WWOX: variants seen among roughly 807,000 people sequenced by gnomAD.
WWOX encodes WW domain containing oxidoreductase.
Under a neutral mutation model 46.2 loss-of-function variants are expected in WWOX, and 69 were observed. That is an observed-to-expected ratio of 1.49 (90% CI 1.23 to 1.82). The LOEUF is 1.82. Ranked by LOEUF, WWOX falls within the 40% of genes most tolerant of loss-of-function variation. The pLI is 0.00. For missense variants in WWOX, 919 were observed against 542.6 expected, an observed-to-expected ratio of 1.69 and a Z score of -6.89; for synonymous variants, 359 against 202.6, an observed-to-expected ratio of 1.77 and a Z score of -6.56.
At chr16:78,690,020 C>G (rs2047949603) in intron 8 of WWOX, among the ~76,000 whole-genome samples, 1 of 151,994 alleles carries the variant, frequency 6.6e-6, no homozygotes, top group Admixed American at 6.6e-5. Context: ...GCCCCCATGC[C>G]CAGCCAATTT....
At chr16:78,865,835 C>T (rs1481080084) in intron 8 of WWOX, among the ~76,000 whole-genome samples, 2 of 152,162 alleles carry the variant, frequency 1.3e-5, no homozygotes, top group African/African-American at 2.4e-5. Context: ...AGCCAGATTG[C>T]ACCACCGCAC....
At chr16:78,922,935 C>T (rs991767834) in intron 8 of WWOX, among the ~76,000 whole-genome samples, 2 of 150,884 alleles carry the variant, frequency 1.3e-5, no homozygotes, top group African/African-American at 4.9e-5. Context: ...AATCTAACAT[C>T]TTTAGATAAA....
chr16:78,486,427 A>G (rs2084638466), intron 8 of WWOX, among the ~76,000 whole-genome samples: 1 of 152,216 alleles, frequency 6.6e-6, no homozygotes. Flanking sequence ...TCATACATTT[A>G]TCTACTTTAA....
intron 8 of WWOX, among the ~76,000 whole-genome samples, chr16:78,542,126 C>T (rs2043912854): frequency 1.3e-5 from 2 of 150,484 alleles, no homozygotes; most frequent in African/African-American, 2.4e-5. Context: ...GGAGAAACCT[C>T]CCAAATTTCT....
chr16:78,132,321 C>T (rs1046740042), intron 4 of WWOX, among the ~76,000 whole-genome samples: 4 of 152,096 alleles, frequency 2.6e-5, no homozygotes, highest in Non-Finnish European at 4.4e-5. Context: ...CCACCACGCC[C>T]GGCCTTGATT....
chr16:78,667,973 C>G (rs1344145394), intron 8 of WWOX, among the ~76,000 whole-genome samples: 5 of 152,114 alleles, frequency 3.3e-5, no homozygotes, highest in African/African-American at 4.8e-5. Flanking sequence ...CTTAAATACA[C>G]TAGCCATCAA....
At chr16:78,216,965 T>C (rs946153955) in intron 5 of WWOX, among the ~76,000 whole-genome samples, 1 of 152,172 alleles carries the variant, frequency 6.6e-6, no homozygotes, top group African/African-American at 2.4e-5. Flanking sequence ...TCAAGTGATC[T>C]GCCTGCCTTG....
chr16:78,450,032 A>T (rs1300309829), intron 8 of WWOX, among the ~76,000 whole-genome samples: 1 of 150,722 alleles, frequency 6.6e-6, no homozygotes, highest in Non-Finnish European at 1.5e-5. Context: ...GGAAGCTAAA[A>T]AAAATAACCA....
At chr16:79,148,608 G>A (rs753358062) in intron 8 of WWOX, among the ~76,000 whole-genome samples, 2 of 152,270 alleles carry the variant, frequency 1.3e-5, no homozygotes, top group Non-Finnish European at 2.9e-5. Flanking sequence ...AAGCCTTGCT[G>A]CAGTTTTAAT....
At chr16:78,969,798 A>C (rs1471304180) in intron 8 of WWOX, among the ~76,000 whole-genome samples, 3 of 152,182 alleles carry the variant, frequency 2.0e-5, no homozygotes, top group Non-Finnish European at 4.4e-5. Context: ...CCAAAGAGGC[A>C]AATCTGCAGA....
chr16:78,937,363 T>C (rs866258288), intron 8 of WWOX, among the ~76,000 whole-genome samples: 1 of 151,970 alleles, frequency 6.6e-6, no homozygotes, highest in Non-Finnish European at 1.5e-5. Context: ...AAAGACATCC[T>C]TTTTCTTTGA....
intron 8 of WWOX, among the ~76,000 whole-genome samples, chr16:78,737,367 C>G (rs1220829787): frequency 1.4e-5 from 2 of 146,578 alleles, no homozygotes; most frequent in Admixed American, 6.7e-5. Context: ...AACTTCTGAC[C>G]TCAGAATGAT....
At chr16:78,161,864 C>T (rs928329128) in intron 4 of WWOX, among the ~76,000 whole-genome samples, 1 of 152,084 alleles carries the variant, frequency 6.6e-6, no homozygotes, top group Non-Finnish European at 1.5e-5. Flanking sequence ...ATATCACTTC[C>T]TGGAGAAGAC....
At chr16:78,329,750 CTT>C (rs1020813386) in intron 5 of WWOX, among the ~76,000 whole-genome samples, 31 of 142,750 alleles carry the variant, frequency 2.2e-4, no homozygotes, top group Admixed American at 4.9e-4. Flanking sequence ...CTTTTTCTTT[CTT>C]TTTTTTTTTT....
At chr16:79,158,775 G>T (rs1243525099) in intron 8 of WWOX, among the ~76,000 whole-genome samples, 1 of 152,170 alleles carries the variant, frequency 6.6e-6, no homozygotes, top group Admixed American at 6.5e-5. Context: ...ACCTCCTCCA[G>T]TTCTCAGCAC....
At chr16:78,841,080 C>T (rs2052131518) in intron 8 of WWOX, among the ~76,000 whole-genome samples, 1 of 152,042 alleles carries the variant, frequency 6.6e-6, no homozygotes. Context: ...TACACCTGTG[C>T]CCCCAGACAT....
rs541135893 is a variant in WWOX, at chr16:78,879,698, A to G, written c.1057-331910A>G. On this transcript the variant is annotated intron_variant, in intron 8 of 8. Coordinates refer to ENST00000566780, the MANE Select transcript of WWOX (RefSeq NM_016373.4). ...TTCGAGACCAGTCTGATCAACATGG[A>G]GAAACCCTGTCGTTACTAAAAATAC... 3.9e-5 allele frequency among the ~76,000 whole-genome samples: 6 copies of G among 152,186 alleles called. No homozygotes were observed. In the East Asian group the frequency reaches 1.2e-3, roughly 30 times the overall value.
chr16:79,097,978 C>T (rs1447111066), intron 8 of WWOX, among the ~76,000 whole-genome samples: 1 of 152,134 alleles, frequency 6.6e-6, no homozygotes, highest in Non-Finnish European at 1.5e-5. Flanking sequence ...TGCTTCAAGC[C>T]TTTAAAACCA....
chr16:78,162,471 A>AC (rs2034827021), intron 4 of WWOX, among the ~76,000 whole-genome samples: 1 of 128,102 alleles, frequency 7.8e-6, no homozygotes, highest in Non-Finnish European at 1.8e-5. Flanking sequence ...ACACAGACAT[A>AC]AATATATATA....
Sources: gnomAD v4.1 joint callset for allele counts (sites outside exome capture counted in the v4.1 genomes callset) on GRCh38, gnomAD v4.1.1 for gene constraint, MANE v1.5 for transcripts, NCBI Gene and HGNC (gene_info 2026-07-23, HGNC 2026-07-21) for gene names.